Variants in NOX4 observed in about 807,000 individuals in gnomAD.
NOX4 encodes NADPH oxidase 4.
Under a neutral mutation model 87.6 loss-of-function variants are expected in NOX4, and 69 were observed. The observed-to-expected ratio is 0.79, with a 90% CI of 0.65 to 0.96. The LOEUF (loss-of-function observed/expected upper bound fraction) is 0.96, where lower values mean the gene tolerates loss of function less well. Ranked by LOEUF, NOX4 falls within the 40% of genes least tolerant of loss-of-function variation. The pLI, the probability that NOX4 is intolerant of heterozygous loss-of-function variation, is 0.00. For synonymous variants in NOX4, 275 were observed against 238.2 expected (o/e 1.15, Z -1.42); for missense variants, 680 against 681.5 (o/e 1.00, Z 0.02).
chr11:89,467,781 G>A (rs1945771461), intron 2 of NOX4, among the ~76,000 whole-genome samples: 1 of 152,218 alleles, frequency 6.6e-6, no homozygotes. Flanking sequence ...AGCACAGAAT[G>A]ATTGTGTTTT....
At chr11:89,393,243 A>G (rs1941245243) in intron 11 of NOX4, among the ~76,000 whole-genome samples, 1 of 152,114 alleles carries the variant, frequency 6.6e-6, no homozygotes, top group Admixed American at 6.6e-5. Context: ...AACACATCCT[A>G]TCGAAGAATT....
rs141875845 is a variant in NOX4, at chr11:89,404,255, T to C, written c.630-1713A>G. On this transcript the variant is annotated intron_variant, in intron 8 of 17. Coordinates refer to ENST00000263317, the MANE Select transcript of NOX4 (RefSeq NM_016931.5). ...ATTTACCCAAACCTTTTGCTCCTAT[T>C]GGCCATCGGAAGGATAGTGACTGAT... Among the ~76,000 whole-genome samples, 1,069 of 152,002 alleles carry C rather than the reference T, an allele frequency of 7.0e-3. 2 individuals carry two copies. Among genetic ancestry groups the C allele is most frequent in the Non-Finnish European group, 0.012 (799 of 67,986 alleles).
At chr11:89,459,269 T>C (rs1172890707) in intron 2 of NOX4, among the ~76,000 whole-genome samples, 1 of 151,554 alleles carries the variant, frequency 6.6e-6, no homozygotes, top group African/African-American at 2.4e-5. Flanking sequence ...ACGTAAAGAA[T>C]GGAACAACAG....
At chr11:89,355,598 C>A (rs545429967) in intron 12 of NOX4, among the ~76,000 whole-genome samples, 2 of 151,930 alleles carry the variant, frequency 1.3e-5, no homozygotes, top group South Asian at 2.1e-4. Flanking sequence ...AACCAGACAC[C>A]ATTAACTAGC....
chr11:89,573,810 C>T, the NOX4 span, among the ~76,000 whole-genome samples: 1 of 152,174 alleles, frequency 6.6e-6, no homozygotes, highest in African/African-American at 2.4e-5. Context: ...TGTAGGCTGG[C>T]ATCTTATGCC....
chr11:89,457,700 T>C (rs1395500596), intron 2 of NOX4, among the ~76,000 whole-genome samples: 1 of 152,006 alleles, frequency 6.6e-6, no homozygotes, highest in Non-Finnish European at 1.5e-5. Flanking sequence ...AAAATAAAAT[T>C]GTAAAAAACT....
intron 2 of NOX4, among the ~76,000 whole-genome samples, chr11:89,460,551 GA>G (rs1279220956): frequency 6.6e-6 from 1 of 152,170 alleles, no homozygotes; most frequent in Non-Finnish European, 1.5e-5. Context: ...AAAGACACAT[GA>G]AAAAATGTTC....
the NOX4 span, among the ~76,000 whole-genome samples, chr11:89,547,675 T>C: frequency 6.6e-6 from 1 of 152,178 alleles, no homozygotes; most frequent in African/African-American, 2.4e-5. Flanking sequence ...GGCCACACAG[T>C]AGAATCAATT....
intron 2 of NOX4, among the ~76,000 whole-genome samples, chr11:89,457,121 C>T (rs1945240053): frequency 6.6e-6 from 1 of 152,176 alleles, no homozygotes; most frequent in South Asian, 2.1e-4. Flanking sequence ...GCACACTAGC[C>T]AACCTGCAGC....
chr11:89,573,904 CT>C, the NOX4 span, among the ~76,000 whole-genome samples: 1 of 152,224 alleles, frequency 6.6e-6, no homozygotes, highest in African/African-American at 2.4e-5. Context: ...CGTGCACTGT[CT>C]TTAGGAAGTG....
chr11:89,396,876 T>C (rs1001465748), intron 11 of NOX4, among the ~76,000 whole-genome samples: 1 of 152,096 alleles, frequency 6.6e-6, no homozygotes. Context: ...AGTGGGAGAC[T>C]TTAACACCCC....
At chr11:89,567,326 C>T in the NOX4 span, among the ~76,000 whole-genome samples, 1 of 152,128 alleles carries the variant, frequency 6.6e-6, no homozygotes, top group Non-Finnish European at 1.5e-5. Flanking sequence ...CAGCAGCCTC[C>T]TACCACTGCT....
At chr11:89,494,124 GGA>G (rs1946921859), upstream of NOX4, among the ~76,000 whole-genome samples, 1 of 152,102 alleles carries the variant, frequency 6.6e-6, no homozygotes, top group South Asian at 2.1e-4. Context: ...AAAGTAATGG[GGA>G]GAGAGTTCTG....
chr11:89,427,780 G>C (rs1943523460), intron 7 of NOX4, among the ~76,000 whole-genome samples: 1 of 152,158 alleles, frequency 6.6e-6, no homozygotes, highest in Non-Finnish European at 1.5e-5. Flanking sequence ...ATGGAACCAA[G>C]TTGGAAAACA....
intron 6 of NOX4, among the ~76,000 whole-genome samples, chr11:89,433,212 T>C (rs1449542949): frequency 6.6e-6 from 1 of 152,092 alleles, no homozygotes; most frequent in African/African-American, 2.4e-5. Flanking sequence ...TTTGAAAGCA[T>C]ATAATACATT....
At chr11:89,342,818 T>C (rs1193481751) in intron 13 of NOX4, among the ~76,000 whole-genome samples, 1 of 152,170 alleles carries the variant, frequency 6.6e-6, no homozygotes, top group Non-Finnish European at 1.5e-5. Flanking sequence ...TTCAAGTGTG[T>C]GTGTGTGAGA....
At position 89,440,676 on chromosome 11, in the gene NOX4, A is replaced by AG; in HGVS notation, c.475+11_475+12insC. 4 of 1,544,104 alleles carry AG rather than the reference A, an allele frequency of 2.6e-6. No individual in the cohort carries two copies. Among genetic ancestry groups the AG allele is most frequent in the Non-Finnish European group, 3.5e-6 (4 of 1,132,514 alleles). On this transcript the variant is annotated intron_variant, in intron 6 of 17. Transcript: ENST00000263317. ...CCTAAACCTAAAGAAAAGGCTAAGA[A>AG]TAACAACTTACCAGTTGTGAAGAGA...
intron 15 of NOX4, among the ~76,000 whole-genome samples, chr11:89,338,025 C>T (rs1207773626): frequency 1.3e-5 from 2 of 151,952 alleles, no homozygotes; most frequent in African/African-American, 4.8e-5. Context: ...CAAAAATGCA[C>T]GAGGCAAAAA....
At chr11:89,562,211 C>G in the NOX4 span, among the ~76,000 whole-genome samples, 2 of 151,962 alleles carry the variant, frequency 1.3e-5, no homozygotes, top group African/African-American at 4.8e-5. Flanking sequence ...TAATGAAAAT[C>G]ATATCAATGC....
Sources: gnomAD v4.1 joint callset for allele counts (sites outside exome capture counted in the v4.1 genomes callset) on GRCh38, gnomAD v4.1.1 for gene constraint, MANE v1.5 for transcripts, NCBI Gene and HGNC (gene_info 2026-07-23, HGNC 2026-07-21) for gene names.